Variants in NUP98 observed in about 807,000 individuals in gnomAD.
The protein encoded by NUP98 is nucleoporin 98 and 96 precursor.
In NUP98, 26 loss-of-function variants were observed where a neutral mutation model predicts 191.9. The observed-to-expected ratio is 0.14, with a 90% CI of 0.10 to 0.19. NUP98 has a LOEUF of 0.19. Among genes scored for constraint, NUP98 ranks in the 10% least tolerant of loss-of-function variants. The pLI is 1.00. For synonymous variants in NUP98, 808 were observed against 778.4 expected (o/e 1.04, Z -0.63); for missense variants, 1,941 against 2,178.8 (o/e 0.89, Z 2.17).
intron 14 of NUP98, among the ~76,000 whole-genome samples, chr11:3,729,167 A>C (rs2134266231): frequency 6.6e-6 from 1 of 152,298 alleles, no homozygotes; most frequent in East Asian, 1.9e-4. Flanking sequence ...CAGACTACAG[A>C]TGATATTTAA....
chr11:3,677,771 AAGTGATTATTT>A (rs1464643141), intron 31 of NUP98, among the ~76,000 whole-genome samples: 1 of 152,216 alleles, frequency 6.6e-6, no homozygotes, highest in Non-Finnish European at 1.5e-5. Context: ...TGGTTTCTTC[AAGTGATTATTT>A]AGAAATGATG....
chr11:3,777,705 A>T (rs2081792360), intron 4 of NUP98, among the ~76,000 whole-genome samples: 1 of 152,072 alleles, frequency 6.6e-6, no homozygotes, highest in Admixed American at 6.6e-5. Flanking sequence ...AATATTTAGA[A>T]TTAGTAACAT....
chr11:3,708,997 C>A (rs1370845594), intron 20 of NUP98, among the ~76,000 whole-genome samples: 1 of 152,116 alleles, frequency 6.6e-6, no homozygotes, highest in Admixed American at 6.5e-5. Flanking sequence ...CAACTGAAAC[C>A]TTCAATGACT....
At chr11:3,775,433 G>A (rs1011810069) in intron 5 of NUP98, among the ~76,000 whole-genome samples, 1 of 152,044 alleles carries the variant, frequency 6.6e-6, no homozygotes, top group African/African-American at 2.4e-5. Context: ...CTACTCAGGA[G>A]GCGGAGGCAG....
chr11:3,688,281 C>T (rs2078189671), intron 28 of NUP98, among the ~76,000 whole-genome samples: 1 of 152,028 alleles, frequency 6.6e-6, no homozygotes, highest in South Asian at 2.1e-4. Flanking sequence ...TGGTGGGTGC[C>T]TGTAGTCCCA....
At chr11:3,790,655 C>A (rs886820879) in intron 1 of NUP98, among the ~76,000 whole-genome samples, 2 of 152,162 alleles carry the variant, frequency 1.3e-5, no homozygotes, top group Non-Finnish European at 2.9e-5. Flanking sequence ...TCACTGAATT[C>A]TTCACTGTCA....
intron 32 of NUP98, 61 bp downstream of exon 32, chr11:3,676,448 T>C: frequency 6.2e-7 from 1 of 1,601,072 alleles, no homozygotes; most frequent in East Asian, 2.2e-5. Flanking sequence ...GAGGGTGGGG[T>C]GTAATAATCA....
Position 3,739,303 on chromosome 11 carries a change from G to A in NUP98, c.1409-3979C>T, listed in dbSNP as rs577916615. 4.0e-3 allele frequency among the ~76,000 whole-genome samples: 612 copies of A among 152,234 alleles called. 2 individuals carry two copies. Among genetic ancestry groups the A allele is most frequent in the African/African-American group, 0.014 (575 of 41,532 alleles). ...CTTGCTGTGTCACTCAGGCTGGAGC[G>A]CAGTAGCGCGATCTCGGCTCACTGC... On this transcript the variant is annotated intron_variant, in intron 12 of 32. Coordinates refer to ENST00000324932, the MANE Select transcript of NUP98 (RefSeq NM_016320.5).
chr11:3,757,774 G>A (rs1464445040), intron 10 of NUP98, among the ~76,000 whole-genome samples: 1 of 152,102 alleles, frequency 6.6e-6, no homozygotes, highest in Non-Finnish European at 1.5e-5. Flanking sequence ...ACTCCAGCCT[G>A]GGTGACAAGA....
chr11:3,775,577 G>A (rs1435697357), intron 5 of NUP98, among the ~76,000 whole-genome samples: 1 of 151,234 alleles, frequency 6.6e-6, no homozygotes, highest in Admixed American at 6.6e-5. Context: ...AAATTGAACA[G>A]TTGACCATTC....
At chr11:3,717,875 G>C (rs1013514394) in intron 18 of NUP98, among the ~76,000 whole-genome samples, 1 of 152,090 alleles carries the variant, frequency 6.6e-6, no homozygotes, top group East Asian at 1.9e-4. Context: ...TGTTAAAGTG[G>C]TATGTTTCAC....
chr11:3,689,151 T>C (rs190281945), intron 28 of NUP98, among the ~76,000 whole-genome samples: 1 of 152,200 alleles, frequency 6.6e-6, no homozygotes, highest in Admixed American at 6.5e-5. Context: ...AAGGATCGCC[T>C]GAACCCGGGT....
chr11:3,699,466 A>G, intron 24 of NUP98, 118 bp from the exon 25 acceptor site: 2 of 1,093,110 alleles, frequency 1.8e-6, no homozygotes, highest in Non-Finnish European at 2.6e-6. Context: ...TCAAACAACC[A>G]CTCAAGCTGA....
At position 3,744,442 on chromosome 11, in the gene NUP98, T is replaced by C. The variant is rs1472550270; in HGVS notation, c.1408+67A>G. 1.7e-5 allele frequency: 26 copies of C among 1,504,844 alleles called. No homozygotes were observed. The East Asian group carries it at 5.7e-4, about 33-fold the overall frequency. 93.2% of individuals were successfully genotyped at this position (1,504,844 alleles called of 1,614,324 possible). ...TGGTAGGAATGGGACAGGTGTAGGATGGAAAATCAGGTCAGCAAGTATTAG... is the reference window on the plus strand; with the variant it reads ...TGGTAGGAATGGGACAGGTGTAGGACGGAAAATCAGGTCAGCAAGTATTAG... On this transcript the variant is annotated intron_variant, in intron 12 of 32. Transcript: ENST00000324932.
chr11:3,764,090 C>CG (rs962202356), intron 8 of NUP98, among the ~76,000 whole-genome samples: 9 of 152,274 alleles, frequency 5.9e-5, no homozygotes, highest in African/African-American at 2.2e-4. Flanking sequence ...CTTACACCCC[C>CG]CAAAGAAATC....
At chr11:3,691,266 TA>T in intron 28 of NUP98, 80 bp downstream of exon 28, 1 of 1,508,064 alleles carries the variant, frequency 6.6e-7, no homozygotes. Flanking sequence ...TGGGGACATA[TA>T]AAAGGGAAAG....
Position 3,713,902 on chromosome 11 carries a change from A to G in NUP98, c.2493T>C (p.Tyr831=). 1 of 1,614,112 alleles carries G rather than the reference A, an allele frequency of 6.2e-7. No individual in the cohort carries two copies. Among genetic ancestry groups the G allele is most frequent in the Non-Finnish European group, 8.5e-7 (1 of 1,180,004 alleles). Reference sequence around the variant, plus strand: ...TTGAAACTGCTTCCAATCTTCCTTCATAGTTGATATCAGCAAGGCGATCTG... The same window carrying G: ...TTGAAACTGCTTCCAATCTTCCTTCGTAGTTGATATCAGCAAGGCGATCTG... ...KSPDRLADIN[Y]EGRLEAVSRK... is the part of the protein sequence containing the mutation. Residue 831 remains tyrosine (Y), a synonymous_variant, in exon 19 of 33, where the codon TAT becomes TAC. Transcript: ENST00000324932.
intron 10 of NUP98, among the ~76,000 whole-genome samples, chr11:3,758,001 C>A (rs1003176255): frequency 1.3e-5 from 2 of 151,572 alleles, no homozygotes; most frequent in Non-Finnish European, 2.9e-5. Flanking sequence ...GTATGAAAAT[C>A]TCAGGGGAAG....
intron 7 of NUP98, 27 bp downstream of exon 7, chr11:3,771,721 T>A (rs756789775): frequency 6.2e-7 from 1 of 1,602,522 alleles, no homozygotes; most frequent in Non-Finnish European, 8.5e-7. Context: ...CTCCTCAGTA[T>A]AATCTAACAT....
Sources: gnomAD v4.1 joint callset for allele counts (sites outside exome capture counted in the v4.1 genomes callset) on GRCh38, gnomAD v4.1.1 for gene constraint, MANE v1.5 for transcripts, NCBI Gene and HGNC (gene_info 2026-07-23, HGNC 2026-07-21) for gene names.